FGGY: variants seen among roughly 807,000 people sequenced by gnomAD.
FGGY encodes FGGY carbohydrate kinase domain containing, also known as FGGY carbohydrate kinase domain-containing protein.
FGGY carries 72 observed loss-of-function variants against 71.3 expected under a neutral mutation model. The observed-to-expected ratio is 1.01, with a 90% confidence interval of 0.84 to 1.23. FGGY has a LOEUF of 1.23. Ranked by LOEUF, FGGY falls within the 50% of genes most tolerant of loss-of-function variation. FGGY has a pLI of 0.00. For missense variants in FGGY, 668 were observed against 682.3 expected (o/e 0.98, Z 0.23); for synonymous variants, 251 against 250.3 (o/e 1.00, Z -0.02).
chr1:59,720,116 G>A (rs1246315242), intron 14 of FGGY, among the ~76,000 whole-genome samples: 1 of 152,300 alleles, frequency 6.6e-6, no homozygotes, highest in East Asian at 1.9e-4. Context: ...TCTCTCCTCT[G>A]ATTACTGGGG....
intron 14 of FGGY, among the ~76,000 whole-genome samples, chr1:59,721,277 G>A (rs576906545): frequency 1.4e-5 from 2 of 146,302 alleles, no homozygotes; most frequent in East Asian, 4.1e-4. Context: ...TTTTAGAAGA[G>A]TTTTATATTT....
rs548217929 is a variant in FGGY, at chr1:59,503,547, G to A, written c.671-8764G>A. Among the ~76,000 whole-genome samples the A allele has an allele frequency of 5.5e-5, 8 of 146,304 alleles. No individual in the cohort carries two copies. The South Asian group carries it at 8.5e-4, about 16-fold the overall frequency. ...TGTAATGAGATGCTTGGGCCTGCTG[G>A]TGGTCACCTATTTTCTAGGTATACG... On this transcript the variant is annotated intron_variant, in intron 6 of 15. Transcript: ENST00000303721.
intron 11 of FGGY, among the ~76,000 whole-genome samples, chr1:59,654,443 C>G (rs922709455): frequency 1.3e-5 from 2 of 152,214 alleles, no homozygotes; most frequent in South Asian, 2.1e-4. Flanking sequence ...ATACCCCCAT[C>G]AAGCTCTGAT....
At chr1:59,360,669 T>C (rs1570973285) in intron 4 of FGGY, among the ~76,000 whole-genome samples, 2 of 152,180 alleles carry the variant, frequency 1.3e-5, no homozygotes, top group African/African-American at 4.8e-5. Context: ...CAGATGATAG[T>C]GACAGAAAAA....
At chr1:59,405,506 A>G (rs1368888258) in intron 5 of FGGY, among the ~76,000 whole-genome samples, 6 of 152,246 alleles carry the variant, frequency 3.9e-5, no homozygotes, top group Non-Finnish European at 4.4e-5. Context: ...CACCTTGTAC[A>G]ATAATTTCTG....
At chr1:59,313,247 T>A (rs1293613444) in intron 1 of FGGY, among the ~76,000 whole-genome samples, 1 of 152,202 alleles carries the variant, frequency 6.6e-6, no homozygotes, top group Non-Finnish European at 1.5e-5. Context: ...AAGGTCCCAC[T>A]TTTTAATACC....
chr1:59,575,570 A>C (rs1347360622), intron 8 of FGGY, among the ~76,000 whole-genome samples: 1 of 152,196 alleles, frequency 6.6e-6, no homozygotes, highest in East Asian at 1.9e-4. Flanking sequence ...ATGAGAGTGC[A>C]GACATCTCTT....
intron 6 of FGGY, among the ~76,000 whole-genome samples, chr1:59,460,608 G>A (rs1036571512): frequency 6.6e-6 from 1 of 152,196 alleles, no homozygotes; most frequent in African/African-American, 2.4e-5. Flanking sequence ...CCTCAAGTGG[G>A]TCCCTCACCC....
intron 9 of FGGY, among the ~76,000 whole-genome samples, chr1:59,608,454 T>G (rs2096644598): frequency 6.6e-6 from 1 of 152,168 alleles, no homozygotes; most frequent in Non-Finnish European, 1.5e-5. Flanking sequence ...TACTTGTCCT[T>G]TAAGATCCAA....
chr1:59,298,660 A>G (rs1473615603), intron 1 of FGGY, among the ~76,000 whole-genome samples: 1 of 152,168 alleles, frequency 6.6e-6, no homozygotes. Context: ...ATCACAGTCA[A>G]TTACCAGCTG....
At chr1:59,472,171 G>A (rs1045531483) in intron 6 of FGGY, among the ~76,000 whole-genome samples, 1 of 152,246 alleles carries the variant, frequency 6.6e-6, no homozygotes, top group African/African-American at 2.4e-5. Context: ...AGTGCTTGCG[G>A]GCCAGCGTGA....
intron 14 of FGGY, among the ~76,000 whole-genome samples, chr1:59,689,770 T>C (rs1033789397): frequency 1.3e-5 from 2 of 152,206 alleles, no homozygotes; most frequent in Non-Finnish European, 2.9e-5. Context: ...TAGGGTGTTA[T>C]AAAATCACAC....
chr1:59,336,649 G>A (rs960585555), intron 2 of FGGY, among the ~76,000 whole-genome samples: 5 of 151,390 alleles, frequency 3.3e-5, no homozygotes, highest in Non-Finnish European at 5.9e-5. Flanking sequence ...CCCTTGCCCC[G>A]CACCCCCTGA....
intron 14 of FGGY, among the ~76,000 whole-genome samples, chr1:59,699,980 T>G (rs558993996): frequency 3.3e-5 from 5 of 152,344 alleles, no homozygotes; most frequent in Admixed American, 3.3e-4. Context: ...CTGATATCAT[T>G]ATTTCTTCTA....
At chr1:59,535,072 G>C (rs1209386983) in intron 7 of FGGY, among the ~76,000 whole-genome samples, 1 of 152,144 alleles carries the variant, frequency 6.6e-6, no homozygotes. Flanking sequence ...TCAGTGTGCT[G>C]TATTCAGGAA....
At chr1:59,693,187 A>G (rs1020981905) in intron 14 of FGGY, among the ~76,000 whole-genome samples, 3 of 152,262 alleles carry the variant, frequency 2.0e-5, no homozygotes, top group Non-Finnish European at 4.4e-5. Context: ...AAATATTAAC[A>G]CCAAGAGACA....
chr1:59,672,268 A>G (rs928899323), intron 13 of FGGY, among the ~76,000 whole-genome samples: 7 of 152,196 alleles, frequency 4.6e-5, no homozygotes, highest in Non-Finnish European at 8.8e-5. Flanking sequence ...TAGTACATGC[A>G]TAGAGGCTTC....
At chr1:59,444,547 A>G (rs2070766679) in intron 5 of FGGY, among the ~76,000 whole-genome samples, 1 of 152,064 alleles carries the variant, frequency 6.6e-6, no homozygotes, top group Non-Finnish European at 1.5e-5. Context: ...AGGGTTAACA[A>G]TAATGTATTA....
chr1:59,669,414 GA>G (rs1374947162), intron 13 of FGGY, among the ~76,000 whole-genome samples: 1 of 152,010 alleles, frequency 6.6e-6, no homozygotes, highest in Non-Finnish European at 1.5e-5. Flanking sequence ...GACATAAAAA[GA>G]GCCCAGATTG....
Sources: allele counts gnomAD v4.1 joint callset (sites outside exome capture counted in the v4.1 genomes callset), GRCh38; gene constraint gnomAD v4.1.1; transcripts MANE v1.5; gene names NCBI Gene and HGNC (gene_info 2026-07-23, HGNC 2026-07-21).